The following DCC variants were observed in gnomAD, a reference collection of about 807,000 sequenced individuals.
The protein encoded by DCC is netrin receptor DCC.
A neutral mutation model predicts 172.5 loss-of-function variants in DCC; 58 were observed. That is an observed-to-expected ratio of 0.34 (90% confidence interval 0.27 to 0.42). The LOEUF (loss-of-function observed/expected upper bound fraction) is 0.42. Among genes scored for constraint, DCC ranks in the 10% least tolerant of loss-of-function variants. The pLI, the probability that DCC is intolerant of heterozygous loss-of-function variation, is 1.00. For synonymous variants in DCC, 709 were observed against 644.5 expected (o/e 1.10, Z -1.52); for missense variants, 1,740 against 1,791.0 (o/e 0.97, Z 0.51).
intron 15 of DCC, among the ~76,000 whole-genome samples, chr18:53,349,351 T>C (rs181236941): frequency 6.6e-6 from 1 of 152,302 alleles, no homozygotes; most frequent in African/African-American, 2.4e-5. Context: ...CTATCAGCCT[T>C]TTGGGCAAAG....
chr18:53,506,899 A>AAGTC (rs1245212094), intron 27 of DCC, among the ~76,000 whole-genome samples: 69 of 150,950 alleles, frequency 4.6e-4, no homozygotes, highest in Non-Finnish European at 1.6e-4. Flanking sequence ...GGATCAGTGG[A>AAGTC]AGTCAGTCAG....
At chr18:53,462,431 A>G (rs2045570599) in intron 24 of DCC, among the ~76,000 whole-genome samples, 1 of 151,804 alleles carries the variant, frequency 6.6e-6, no homozygotes, top group Non-Finnish European at 1.5e-5. Context: ...CACGCTCCTT[A>G]TAAGAATCTA....
intron 1 of DCC, among the ~76,000 whole-genome samples, chr18:52,405,410 C>A (rs976943174): frequency 7.5e-6 from 1 of 133,220 alleles, no homozygotes; most frequent in African/African-American, 2.6e-5. Flanking sequence ...TCTCTGATGG[C>A]CAGTGATGAT....
intron 12 of DCC, among the ~76,000 whole-genome samples, chr18:53,289,354 G>A (rs1054545802): frequency 6.6e-6 from 1 of 152,076 alleles, no homozygotes; most frequent in Non-Finnish European, 1.5e-5. Context: ...TTTCATGATT[G>A]ATCAAATCAT....
At chr18:53,031,824 TG>T (rs2042029733) in intron 5 of DCC, among the ~76,000 whole-genome samples, 2 of 152,138 alleles carry the variant, frequency 1.3e-5, no homozygotes, top group African/African-American at 4.8e-5. Flanking sequence ...TTAATTATAT[TG>T]AAAATTAAAA....
intron 8 of DCC, among the ~76,000 whole-genome samples, chr18:53,164,002 C>T (rs779994544): frequency 4.8e-4 from 73 of 152,162 alleles, no homozygotes; most frequent in Non-Finnish European, 9.3e-4. Flanking sequence ...CTCCATTATA[C>T]AGCTAGTAAG....
rs201484019 is a variant in DCC at position 52,706,065 on chromosome 18, C to CCA, written c.92-45986_92-45985dup. Among the ~76,000 whole-genome samples, 280 of 152,148 alleles carry CCA rather than the reference C, an allele frequency of 1.8e-3. 2 individuals are homozygous for CCA. The highest frequency in any genetic ancestry group is 6.4e-3 in the African/African-American group (265 of 41,494). ...GCATTGTAGAAACATGTTGATTAGG[C>CCA]CACAATGGAAATCACGTCTGATCCC... On this transcript the variant is annotated intron_variant, in intron 1 of 28. Transcript: ENST00000442544.
At chr18:53,480,121 G>A (rs1376587611) in intron 25 of DCC, among the ~76,000 whole-genome samples, 1 of 152,056 alleles carries the variant, frequency 6.6e-6, no homozygotes, top group Non-Finnish European at 1.5e-5. Flanking sequence ...CATATATCTG[G>A]GCTTCATAGA....
rs557404242 is a variant in DCC, at chr18:53,510,047, G to A, written c.4111+10537G>A. ...AATCTCTTATTTTTATTGCCTAAAT[G>A]AACATCAGTAGATCAGAGCCACCGC... On this transcript the variant is annotated intron_variant, in intron 27 of 28. Transcript: ENST00000442544. Among the ~76,000 whole-genome samples, 304 of 152,158 alleles carry A rather than the reference G, an allele frequency of 2.0e-3. 1 individual carries two copies. Among genetic ancestry groups the A allele is most frequent in the African/African-American group, 6.9e-3 (286 of 41,510 alleles).
intron 1 of DCC, among the ~76,000 whole-genome samples, chr18:52,509,572 C>T (rs1351579910): frequency 6.6e-6 from 1 of 152,180 alleles, no homozygotes; most frequent in African/African-American, 2.4e-5. Flanking sequence ...TCATTGCCTT[C>T]TTCCATCTCA....
At chr18:53,106,083 C>G (rs558846450) in intron 7 of DCC, among the ~76,000 whole-genome samples, 1 of 151,630 alleles carries the variant, frequency 6.6e-6, no homozygotes, top group African/African-American at 2.4e-5. Context: ...ATCAGAGCCC[C>G]CCAGTTATCA....
intron 20 of DCC, 103 bp from the exon 21 acceptor site, chr18:53,416,021 C>T (rs1910291712): frequency 1.2e-6 from 1 of 828,124 alleles, no homozygotes; most frequent in Admixed American, 1.9e-5. Flanking sequence ...AGGGCACTAG[C>T]TTTGAAATAA....
At chr18:53,492,502 C>T (rs932304355) in intron 26 of DCC, among the ~76,000 whole-genome samples, 1 of 152,144 alleles carries the variant, frequency 6.6e-6, no homozygotes, top group Admixed American at 6.5e-5. Context: ...AAGAAGGGAT[C>T]CAGTTTCAGC....
At chr18:52,869,666 A>C (rs1319229258) in intron 2 of DCC, among the ~76,000 whole-genome samples, 1 of 152,188 alleles carries the variant, frequency 6.6e-6, no homozygotes, top group Admixed American at 6.5e-5. Context: ...AGCTGCCCTC[A>C]GCCCTCCCTT....
At chr18:52,402,430 G>C (rs991550130) in intron 1 of DCC, among the ~76,000 whole-genome samples, 2 of 151,900 alleles carry the variant, frequency 1.3e-5, no homozygotes, top group Admixed American at 1.3e-4. Context: ...CATTGTGTTT[G>C]TTCTCTTCAT....
At chr18:52,719,931 C>T (rs1337007567) in intron 1 of DCC, among the ~76,000 whole-genome samples, 1 of 152,126 alleles carries the variant, frequency 6.6e-6, no homozygotes, top group African/African-American at 2.4e-5. Flanking sequence ...TGGCAGTTCA[C>T]AGTCAGGATT....
chr18:53,048,467 T>C (rs2042288428), intron 5 of DCC, among the ~76,000 whole-genome samples: 1 of 150,822 alleles, frequency 6.6e-6, no homozygotes, highest in Admixed American at 6.6e-5. Context: ...CATTATTTTA[T>C]GGCTGTGTAA....
At chr18:52,341,902 A>AAGGG (rs1201034900) in intron 1 of DCC, among the ~76,000 whole-genome samples, 2 of 152,080 alleles carry the variant, frequency 1.3e-5, no homozygotes, top group African/African-American at 4.8e-5. Context: ...TTCGGAAACG[A>AAGGG]CCTTTTTCCA....
chr18:53,019,012 A>T (rs1440490680), intron 5 of DCC, among the ~76,000 whole-genome samples: 3 of 152,202 alleles, frequency 2.0e-5, no homozygotes, highest in Non-Finnish European at 2.9e-5. Context: ...CAACCAACAA[A>T]AAACTTGGTG....
Sources: allele counts gnomAD v4.1 joint callset (sites outside exome capture counted in the v4.1 genomes callset), GRCh38; gene constraint gnomAD v4.1.1; transcripts MANE v1.5; gene names NCBI Gene and HGNC (gene_info 2026-07-23, HGNC 2026-07-21).